The following SLC8A1 variants were observed in gnomAD, a reference collection of about 807,000 sequenced individuals.
SLC8A1 encodes solute carrier family 8 member A1.
SLC8A1 carries 18 observed loss-of-function variants against 68.3 expected under a neutral mutation model. The observed-to-expected ratio is 0.26, with a 90% CI of 0.18 to 0.39. The LOEUF is 0.39. Ranked by LOEUF, SLC8A1 falls within the 10% of genes least tolerant of loss-of-function variation. The pLI, the probability that SLC8A1 is intolerant of heterozygous loss-of-function variation, is 1.00. For synonymous variants in SLC8A1, 475 were observed against 415.5 expected (o/e 1.14, Z -1.74); for missense variants, 985 against 1,156.7 (o/e 0.85, Z 2.15).
intron 2 of SLC8A1, among the ~76,000 whole-genome samples, chr2:40,247,306 A>G (rs975396965): frequency 2.0e-5 from 3 of 152,196 alleles, no homozygotes; most frequent in Non-Finnish European, 1.5e-5. Context: ...GGTCCTGAAC[A>G]GCCAGGCTCT....
intron 1 of SLC8A1, among the ~76,000 whole-genome samples, chr2:40,485,884 A>T (rs572762331): frequency 1.3e-5 from 2 of 152,164 alleles, no homozygotes; most frequent in African/African-American, 4.8e-5. Context: ...TGGACACTCA[A>T]TATTTGTTTA....
intron 2 of SLC8A1, among the ~76,000 whole-genome samples, chr2:40,394,727 C>A (rs1384879257): frequency 6.6e-6 from 1 of 151,962 alleles, no homozygotes; most frequent in African/African-American, 2.4e-5. Flanking sequence ...TGATTTAGCA[C>A]AACGTGTTTT....
At chr2:40,233,539 T>G (rs2059962094) in intron 2 of SLC8A1, among the ~76,000 whole-genome samples, 1 of 141,094 alleles carries the variant, frequency 7.1e-6, no homozygotes, top group South Asian at 2.3e-4. Context: ...TCTCCCATTC[T>G]GTAGGTTGCC....
At chr2:40,169,727 G>A (rs1196928636) in intron 4 of SLC8A1, among the ~76,000 whole-genome samples, 1 of 152,080 alleles carries the variant, frequency 6.6e-6, no homozygotes, top group East Asian at 1.9e-4. Context: ...GACTGCTTGA[G>A]CCCAGGAGTT....
chr2:40,253,425 C>G (rs1441242626), intron 2 of SLC8A1, among the ~76,000 whole-genome samples: 1 of 151,674 alleles, frequency 6.6e-6, no homozygotes, highest in Non-Finnish European at 1.5e-5. Context: ...AGGACATATG[C>G]TAATTTGAAA....
At chr2:40,306,888 T>C (rs914892121) in intron 2 of SLC8A1, among the ~76,000 whole-genome samples, 2 of 152,172 alleles carry the variant, frequency 1.3e-5, no homozygotes, top group Non-Finnish European at 2.9e-5. Context: ...AGTCAGAGAA[T>C]AAATCTCTGA....
At chr2:40,345,324 C>T (rs557629296) in intron 2 of SLC8A1, among the ~76,000 whole-genome samples, 25 of 152,204 alleles carry the variant, frequency 1.6e-4, no homozygotes, top group East Asian at 9.7e-4. Context: ...AAAATGTTAA[C>T]GTGCTTCATA....
intron 2 of SLC8A1, among the ~76,000 whole-genome samples, chr2:40,420,322 T>C (rs557981037): frequency 4.6e-5 from 7 of 151,678 alleles, no homozygotes; most frequent in Non-Finnish European, 1.0e-4. Context: ...TGATACTAAT[T>C]CTTTGCTGTC....
At chr2:40,314,331 T>C (rs928251779) in intron 2 of SLC8A1, among the ~76,000 whole-genome samples, 5 of 152,094 alleles carry the variant, frequency 3.3e-5, no homozygotes, top group South Asian at 2.1e-4. Flanking sequence ...TGTGGATCTA[T>C]TTCCATAGTT....
At chr2:40,496,631 C>T (rs1387969193) in intron 1 of SLC8A1, among the ~76,000 whole-genome samples, 2 of 151,824 alleles carry the variant, frequency 1.3e-5, no homozygotes, top group Non-Finnish European at 2.9e-5. Flanking sequence ...TGTGAATGTC[C>T]CCTCACTTTG....
intron 2 of SLC8A1, among the ~76,000 whole-genome samples, chr2:40,258,214 C>T (rs1449182198): frequency 6.6e-6 from 1 of 152,196 alleles, no homozygotes; most frequent in African/African-American, 2.4e-5. Context: ...TACAGACTGA[C>T]ATCTCCAAGG....
At chr2:40,147,669 A>C (rs929110749) in intron 6 of SLC8A1, among the ~76,000 whole-genome samples, 1 of 152,222 alleles carries the variant, frequency 6.6e-6, no homozygotes, top group Non-Finnish European at 1.5e-5. Flanking sequence ...TTGGGCAGTG[A>C]TAACCCTATA....
intron 7 of SLC8A1, among the ~76,000 whole-genome samples, chr2:40,122,295 G>C (rs758237567): frequency 4.6e-5 from 7 of 152,042 alleles, no homozygotes; most frequent in Non-Finnish European, 8.8e-5. Flanking sequence ...TGGCTTCCAA[G>C]TGAAGTTCAA....
chr2:40,178,961 C>T (rs1053887597), intron 2 of SLC8A1, among the ~76,000 whole-genome samples: 7 of 152,038 alleles, frequency 4.6e-5, no homozygotes, highest in Non-Finnish European at 8.8e-5. Context: ...TTTTCCTTCA[C>T]TGTGCTTTAT....
chr2:40,439,880 T>C lies in SLC8A1; in HGVS notation c.-24-9576A>G, dbSNP rs754585678. ...ACATAAGGGTGACTCTCCATCAGTG[T>C]TGTATGCTACAATTTTCTAAAGTTC... On this transcript the variant is annotated intron_variant, in intron 1 of 7. Coordinates refer to ENST00000406785, the Ensembl canonical transcript of SLC8A1. Among the ~76,000 whole-genome samples, 3 of 152,180 alleles carry C rather than the reference T, an allele frequency of 2.0e-5. No individual in the cohort carries two copies. In the East Asian group the frequency reaches 5.8e-4, roughly 29 times the overall value.
At chr2:40,155,237 C>T (rs2044252540) in intron 6 of SLC8A1, among the ~76,000 whole-genome samples, 1 of 152,090 alleles carries the variant, frequency 6.6e-6, no homozygotes, top group South Asian at 2.1e-4. Context: ...TCACGCCATT[C>T]TCCTGCCTCA....
intron 2 of SLC8A1, among the ~76,000 whole-genome samples, chr2:40,238,478 G>C (rs201312154): frequency 6.6e-6 from 1 of 151,996 alleles, no homozygotes; most frequent in Non-Finnish European, 1.5e-5. Context: ...CACGGTGCGC[G>C]CACCCACTGA....
intron 2 of SLC8A1, among the ~76,000 whole-genome samples, chr2:40,338,867 T>A (rs908153797): frequency 6.6e-6 from 1 of 151,946 alleles, no homozygotes; most frequent in Admixed American, 6.5e-5. Context: ...GAAAACAGCG[T>A]GCTGTATCTT....
intron 2 of SLC8A1, among the ~76,000 whole-genome samples, chr2:40,281,013 G>A (rs1425513449): frequency 6.6e-6 from 1 of 152,184 alleles, no homozygotes; most frequent in Non-Finnish European, 1.5e-5. Context: ...CTAGAAGCAG[G>A]CTGATACATC....
Sources: allele counts gnomAD v4.1 joint callset (sites outside exome capture counted in the v4.1 genomes callset), GRCh38; gene constraint gnomAD v4.1.1; transcripts MANE v1.5; gene names NCBI Gene and HGNC (gene_info 2026-07-23, HGNC 2026-07-21).